Variants in CLCN7 observed in about 807,000 individuals in gnomAD.
CLCN7 encodes Cl-/H+ antiporter 7.
A neutral mutation model predicts 102.1 loss-of-function variants in CLCN7; 60 were observed. The ratio of observed to expected loss-of-function variants is 0.59; its 90% CI spans 0.48 to 0.73. The LOEUF (loss-of-function observed/expected upper bound fraction) is 0.73. Ranked by LOEUF, CLCN7 falls within the 30% of genes least tolerant of loss-of-function variation. CLCN7 has a pLI of 0.00. For synonymous variants in CLCN7, 560 were observed against 490.5 expected (o/e 1.14, Z -1.87); for missense variants, 962 against 1,125.7 (o/e 0.85, Z 2.08).
chr16:1,466,607 C>T (rs1401471914), intron 1 of CLCN7: 1 of 152,356 alleles, frequency 6.6e-6, no homozygotes, highest in East Asian at 1.9e-4. Flanking sequence ...GAGTGCTCAC[C>T]CCTGAAGGAG....
intron 1 of CLCN7, among the ~76,000 whole-genome samples, chr16:1,468,672 C>T (rs1001260889): frequency 4.6e-5 from 7 of 151,980 alleles, no homozygotes. Flanking sequence ...GGACGGGAGG[C>T]GAGGTCATCA....
chr16:1,446,790 TG>T (rs1323254794), intron 24 of CLCN7, 73 bp from the exon 25 acceptor site: 1 of 1,356,528 alleles, frequency 7.4e-7, no homozygotes, highest in South Asian at 1.2e-5. Flanking sequence ...CTGCCTTGTG[TG>T]TGGCTGGGGC....
At position 1,452,021 on chromosome 16, in the gene CLCN7, C is replaced by T. The variant is rs147401667; in HGVS notation, c.1354-305G>A. 3.0e-4 allele frequency: 116 copies of T among 391,854 alleles called. No homozygotes were observed. In the East Asian group the frequency reaches 4.0e-3, roughly 14 times the overall value. 24.3% of individuals were successfully genotyped at this position (391,854 alleles called of 1,614,324 possible). On this transcript the variant is annotated intron_variant, in intron 15 of 24. Coordinates refer to ENST00000382745, the MANE Select transcript of CLCN7 (RefSeq NM_001287.6). ...CTGAGACGCTGTCCATCCCTGGTGC[C>T]GGGGAAGGTGGGCCCAGGCGCTCAC...
At position 1,446,601 on chromosome 16, in the gene CLCN7, G is replaced by A. The variant is rs747601379; in HGVS notation, c.*30C>T. ...AATGCAGAAGGGCCGGGGTGCCAGC[G>A]CCAGTGCCCATTATGGGCAGGGCTG... On this transcript the variant is annotated 3_prime_UTR_variant, in exon 25 of 25. Transcript: ENST00000382745. 56 of 1,525,288 alleles carry A rather than the reference G, an allele frequency of 3.7e-5. No individual in the cohort carries two copies. The highest frequency in any genetic ancestry group is 4.1e-5 in the African/African-American group (3 of 72,570). 94.5% of individuals were successfully genotyped at this position (1,525,288 alleles called of 1,614,324 possible).
rs533632608 is a variant in CLCN7 at position 1,458,482 on chromosome 16, GCA to G, written c.675+623_675+624del. On this transcript the variant is annotated intron_variant, in intron 7 of 24. Coordinates refer to ENST00000382745, the MANE Select transcript of CLCN7 (RefSeq NM_001287.6). Reference sequence around the variant, plus strand: ...CCTGATCTCCCACCACAGGGCAGGGGCACCCCAAGGTCACCTGGGAGCTTTCG... The same window carrying G: ...CCTGATCTCCCACCACAGGGCAGGGGCCCCAAGGTCACCTGGGAGCTTTCG... Among the ~76,000 whole-genome samples, 476 of 152,376 alleles carry G rather than the reference GCA, an allele frequency of 3.1e-3. 1 individual carries two copies. The highest frequency in any genetic ancestry group is 0.01 in the Middle Eastern group (3 of 294).
Position 1,448,452 on chromosome 16 carries a change from C to G in CLCN7, c.1916G>C (p.Arg639Thr). Residue 639 changes from arginine to threonine, a missense_variant, in exon 21 of 25, where the codon AGG becomes ACG. Physicochemically the swap from Arg to Thr is moderately conservative, Grantham distance 71. Transcript: ENST00000382745. ...AATGACGCCGACCTTCTCACGCCGCCTCAGGCAGGTCACTGGTGTGCTCAT... is the reference window on the plus strand; with the variant it reads ...AATGACGCCGACCTTCTCACGCCGCGTCAGGCAGGTCACTGGTGTGCTCAT... ...EVMSTPVTCLRRREKVGVIVD... is the reference protein window; with the variant it reads ...EVMSTPVTCLTRREKVGVIVD... The G allele has an allele frequency of 6.2e-7, 1 of 1,611,652 alleles. No individual in the cohort carries two copies. The highest frequency in any genetic ancestry group is 8.5e-7 in the Non-Finnish European group (1 of 1,179,960).
At chr16:1,464,976 G>A (rs2038985153) in intron 2 of CLCN7, among the ~76,000 whole-genome samples, 1 of 151,218 alleles carries the variant, frequency 6.6e-6, no homozygotes, top group South Asian at 2.1e-4. Context: ...GCCCCCCCAA[G>A]ATCCCTGTCC....
intron 2 of CLCN7, among the ~76,000 whole-genome samples, chr16:1,463,346 ACAAC>A (rs749282229): frequency 1.3e-5 from 2 of 152,232 alleles, no homozygotes; most frequent in African/African-American, 2.4e-5. Context: ...CCTCAGCAAT[ACAAC>A]CTGTGCGGGG....
At position 1,456,180 on chromosome 16, in the gene CLCN7, T is replaced by C. The variant is rs372440602; in HGVS notation, c.849A>G (p.Thr283=). The change falls in exon 10 of 25, where the codon ACA becomes ACG. Residue 283 remains threonine (T), a synonymous_variant. Transcript: ENST00000382745. ...CTGCGGAGACGAAGTCCCGCTTCTCTGTGTCTCTGCGGAAGTACTCGAAGA... is the reference window on the plus strand; with the variant it reads ...CTGCGGAGACGAAGTCCCGCTTCTCCGTGTCTCTGCGGAAGTACTCGAAGA... The part of the protein sequence containing the change: ...FKIFEYFRRD[T]EKRDFVSAGA... 21 of 1,568,008 alleles carry C rather than the reference T, an allele frequency of 1.3e-5. No homozygotes were observed. Among genetic ancestry groups the C allele is most frequent in the Admixed American group, 3.7e-5 (2 of 54,240 alleles).
At chr16:1,471,400 CTGGAGG>C (rs1405740450) in intron 1 of CLCN7, among the ~76,000 whole-genome samples, 2 of 152,330 alleles carry the variant, frequency 1.3e-5, no homozygotes, top group Middle Eastern at 3.4e-3. Context: ...CAAAACAGCT[CTGGAGG>C]CCTTGAACCC....
intron 16 of CLCN7, among the ~76,000 whole-genome samples, chr16:1,451,068 G>A (rs1001525151): frequency 4.6e-5 from 7 of 152,236 alleles, no homozygotes; most frequent in African/African-American, 1.7e-4. Context: ...ACTGTACTGC[G>A]TGCAGGGCGG....
intron 2 of CLCN7, among the ~76,000 whole-genome samples, chr16:1,462,090 A>C (rs1202049386): frequency 6.3e-5 from 2 of 31,842 alleles, no homozygotes; most frequent in Non-Finnish European, 1.6e-4. Context: ...GTCTCAAAGA[A>C]AAAAAAAAAA....
intron 2 of CLCN7, among the ~76,000 whole-genome samples, chr16:1,462,665 C>CAAAAAAAAAAAAAAAAAAAAAAAAAA (rs67969666): frequency 8.3e-5 from 3 of 36,176 alleles, no homozygotes; most frequent in African/African-American, 2.4e-4. Context: ...AAAAAAAAGC[C>CAAAAAAAAAAAAAAAAAAAAAAAAAA]AAAAAAAAAA....
intron 1 of CLCN7, 63 bp downstream of exon 1, chr16:1,474,771 A>AT: frequency 8.8e-7 from 1 of 1,138,798 alleles, no homozygotes; most frequent in Non-Finnish European, 1.1e-6. Flanking sequence ...AAGGCTCACG[A>AT]GGGCGCGGGC....
rs372260063 is a variant in CLCN7 at position 1,450,506 on chromosome 16, C to G, written c.1608G>C (p.Thr536=). The G allele has an allele frequency of 5.7e-5, 91 of 1,604,550 alleles. No individual in the cohort carries two copies. The highest frequency in any genetic ancestry group is 7.1e-5 in the Non-Finnish European group (83 of 1,176,404). The change falls in exon 17 of 25, where the codon ACG becomes ACC. Residue 536 remains threonine, a synonymous_variant. Coordinates refer to ENST00000382745, the MANE Select transcript of CLCN7 (RefSeq NM_001287.6). ...CTCCGGCCCCACTCACCGCCGCCCCCGTGAGGTAGGACAGGGAGATCCCAA... is the reference window on the plus strand; with the variant it reads ...CTCCGGCCCCACTCACCGCCGCCCCGGTGAGGTAGGACAGGGAGATCCCAA... ...RLFGISLSYL[T]GAAIWADPGK... is the part of the protein sequence containing the mutation.
At chr16:1,472,604 A>T (rs2039092680) in intron 1 of CLCN7, 1 of 152,212 alleles carries the variant, frequency 6.6e-6, no homozygotes, top group Non-Finnish European at 1.5e-5. Context: ...GCAAAGACAG[A>T]CAGGAAACCC....
In CLCN7 at chr16:1,457,920, T is replaced by A. The variant is rs1384903918; in HGVS notation, c.676-164A>T. 6.6e-6 allele frequency among the ~76,000 whole-genome samples: 1 copy of A among 152,248 alleles called. No individual in the cohort carries two copies. The highest frequency in any genetic ancestry group is 1.9e-4 in the East Asian group (1 of 5,164). On this transcript the variant is annotated intron_variant, in intron 7 of 24. Coordinates refer to ENST00000382745, the MANE Select transcript of CLCN7 (RefSeq NM_001287.6). This position sits in a 1 kb window ranked among gnomAD's most constrained non-coding sequence, Gnocchi z 5.4. ...AGGCTGGGTCTCCCCATGGCCACAG[T>A]GGAGCTAAACAGCAGCCAAGCGTCC...
intron 2 of CLCN7, 53 bp downstream of exon 2, chr16:1,465,214 T>C: frequency 6.4e-7 from 1 of 1,560,138 alleles, no homozygotes; most frequent in Non-Finnish European, 8.8e-7. Context: ...CCTGTCACCC[T>C]CTGCTAAGAT....
chr16:1,445,940 G>A lies in CLCN7; in HGVS notation c.*691C>T. 1 of 279,878 alleles carries A rather than the reference G, an allele frequency of 3.6e-6. No homozygotes were observed. Among genetic ancestry groups the A allele is most frequent in the Non-Finnish European group, 6.7e-6 (1 of 149,102 alleles). 17.3% of individuals were successfully genotyped at this position (279,878 alleles called of 1,614,324 possible). On this transcript the variant is annotated 3_prime_UTR_variant, in exon 25 of 25. Transcript: ENST00000382745. ...GCTGGGCATGGGGCTCAGGGCCTTG[G>A]AGGTTTTTCTCAGCTCTCAACATCA...
Sources: gnomAD v4.1 joint callset for allele counts (sites outside exome capture counted in the v4.1 genomes callset) on GRCh38, gnomAD v4.1.1 for gene constraint, Gnocchi (gnomAD v3.1) non-coding constraint, MANE v1.5 for transcripts, NCBI Gene and HGNC (gene_info 2026-07-23, HGNC 2026-07-21) for gene names.